Variants in CCDC30 observed in about 807,000 individuals in gnomAD.
The protein encoded by CCDC30 is coiled-coil domain containing 30.
CCDC30 carries 70 observed loss-of-function variants against 100.2 expected under a neutral mutation model. The ratio of observed to expected loss-of-function variants is 0.70; its 90% confidence interval spans 0.58 to 0.85. The LOEUF is 0.85. Ranked by LOEUF, CCDC30 falls within the 40% of genes least tolerant of loss-of-function variation. CCDC30 has a pLI of 0.00. For synonymous variants in CCDC30, 233 were observed against 269.5 expected (o/e 0.86, Z 1.33); for missense variants, 652 against 771.2 (o/e 0.85, Z 1.83).
chr1:42,475,721 T>C (rs936992129), intron 1 of CCDC30, among the ~76,000 whole-genome samples: 3 of 152,170 alleles, frequency 2.0e-5, no homozygotes, highest in African/African-American at 7.2e-5. Flanking sequence ...GTGCAGGGTA[T>C]TTTCTTTCAG....
intron 3 of CCDC30, among the ~76,000 whole-genome samples, chr1:42,486,787 A>T (rs1644057710): frequency 6.6e-6 from 1 of 152,166 alleles, no homozygotes. Context: ...CCTGGGGGTG[A>T]CCTTGGGAAC....
chr1:42,653,462 A>G lies in CCDC30; in HGVS notation c.1922+19A>G. On this transcript the variant is annotated intron_variant, in intron 16 of 16. Transcript: ENST00000668663. The stretch of plus-strand genomic sequence containing the variant: ...ACTCCAGGTTAGTAAAGTCAAGACA[A>G]ATAAAGTCAAGTCTATCTGAGATGG... 6.6e-7 allele frequency: 1 copy of G among 1,504,396 alleles called. No homozygotes were observed. The highest frequency in any genetic ancestry group is 1.2e-5 in the South Asian group (1 of 86,724). 93.2% of individuals were successfully genotyped at this position (1,504,396 alleles called of 1,614,324 possible). A position where few individuals can be genotyped will look rare whatever the true frequency, so the allele number is the denominator to read the frequency against.
intron 11 of CCDC30, among the ~76,000 whole-genome samples, chr1:42,614,318 G>A (rs936162262): frequency 6.6e-5 from 10 of 151,674 alleles, no homozygotes; most frequent in Admixed American, 3.9e-4. Flanking sequence ...CTGACCTCGT[G>A]ATCCACCCGC....
At chr1:42,559,460 A>C (rs1645440376) in intron 6 of CCDC30, among the ~76,000 whole-genome samples, 1 of 152,236 alleles carries the variant, frequency 6.6e-6, no homozygotes, top group Admixed American at 6.5e-5. Context: ...TATACAAAGC[A>C]AATGGAAAGC....
At chr1:42,505,874 A>C (rs1644386984) in intron 6 of CCDC30, among the ~76,000 whole-genome samples, 1 of 152,338 alleles carries the variant, frequency 6.6e-6, no homozygotes, top group African/African-American at 2.4e-5. Flanking sequence ...AAGGGCTTTT[A>C]TTGGCTCTTC....
chr1:42,525,578 G>A (rs976635405), intron 6 of CCDC30, among the ~76,000 whole-genome samples: 2 of 151,908 alleles, frequency 1.3e-5, no homozygotes, highest in Admixed American at 1.3e-4. Context: ...TCCTAGTTGT[G>A]TTGCACTTGT....
intron 1 of CCDC30, among the ~76,000 whole-genome samples, chr1:42,464,770 A>C (rs1215607022): frequency 6.6e-6 from 1 of 152,206 alleles, no homozygotes; most frequent in African/African-American, 2.4e-5. Flanking sequence ...AAGTAAACCT[A>C]TTTTGAGGAC....
chr1:42,634,248 T>C (rs1297845536), intron 11 of CCDC30, among the ~76,000 whole-genome samples: 2 of 42,774 alleles, frequency 4.7e-5, no homozygotes, highest in Non-Finnish European at 8.5e-5. Context: ...CAAGACTGTC[T>C]CAAAAAAAAA....
At chr1:42,512,584 TAGAG>T (rs1161835496) in intron 6 of CCDC30, among the ~76,000 whole-genome samples, 1 of 152,070 alleles carries the variant, frequency 6.6e-6, no homozygotes, top group Non-Finnish European at 1.5e-5. Context: ...ATATTGCACA[TAGAG>T]AGAGGATAGG....
At chr1:42,637,119 C>A in intron 11 of CCDC30, 118 bp from the exon 16 acceptor site, 1 of 752,496 alleles carries the variant, frequency 1.3e-6, no homozygotes, top group Admixed American at 3.3e-5. Flanking sequence ...GTATCCACAT[C>A]CGGTGCCAGT....
intron 6 of CCDC30, chr1:42,500,162 A>G: frequency 1.4e-6 from 2 of 1,423,184 alleles, no homozygotes; most frequent in East Asian, 2.3e-5. Context: ...TAAGAAGGCA[A>G]TGCTTGTGGA....
At chr1:42,456,208 C>A in the CCDC30 span, 2 of 594,092 alleles carry the variant, frequency 3.4e-6, no homozygotes, top group Non-Finnish European at 6.0e-6. Flanking sequence ...ACAAGTCCCA[C>A]GGGTCAAATG....
At chr1:42,562,003 A>G (rs924111382) in intron 6 of CCDC30, among the ~76,000 whole-genome samples, 14 of 152,238 alleles carry the variant, frequency 9.2e-5, no homozygotes, top group African/African-American at 3.4e-4. Context: ...GATAGGAAGA[A>G]TCAATATCAG....
intron 1 of CCDC30, among the ~76,000 whole-genome samples, chr1:42,474,484 T>C (rs1325880947): frequency 6.6e-6 from 1 of 152,208 alleles, no homozygotes; most frequent in Non-Finnish European, 1.5e-5. Context: ...AACGAAAGTT[T>C]GCCAGGAAGT....
intron 4 of CCDC30, among the ~76,000 whole-genome samples, chr1:42,496,100 C>A: frequency 6.8e-6 from 1 of 146,730 alleles, no homozygotes; most frequent in Non-Finnish European, 1.5e-5. Context: ...GGTATAATGT[C>A]ATTTGGGTTT....
At position 42,500,377 on chromosome 1, in the gene CCDC30, G is replaced by A. The variant is rs529136796; in HGVS notation, c.456+1461G>A. The stretch of plus-strand genomic sequence containing the variant: ...AAAGCGGAGTGAGGTGCGTGAGAAC[G>A]AGCGAAGTCTGGTCTGCGCAGTGGC... On this transcript the variant is annotated intron_variant, in intron 6 of 16. Transcript: ENST00000668663. 33 of 1,396,644 alleles carry A rather than the reference G, an allele frequency of 2.4e-5. No homozygotes were observed. The African/African-American group carries it at 3.0e-4, about 13-fold the overall frequency. The allele number at this position is 1,396,644 out of a possible 1,614,324, so 86.5% of individuals were successfully genotyped here. A position where few individuals can be genotyped will look rare whatever the true frequency, so the allele number is the denominator to read the frequency against.
Position 42,580,730 on chromosome 1 carries a change from C to T in CCDC30, c.847-630C>T, listed in dbSNP as rs945667187. On this transcript the variant is annotated intron_variant, in intron 8 of 16. Transcript: ENST00000668663. ...CAGTCTCTCTTTCAAATTTGTAAAT[C>T]ATATTTTTAGTTCTCCCAGAGCATT... 98 of 357,898 alleles carry T rather than the reference C, an allele frequency of 2.7e-4. 1 individual carries two copies. The highest frequency in any genetic ancestry group is 1.7e-3 in the Admixed American group (50 of 28,768). The allele number at this position is 357,898 out of a possible 1,614,324, so 22.2% of individuals were successfully genotyped here.
chr1:42,460,022 TGAAA>T (rs1236934299), upstream of CCDC30: 28 of 1,455,566 alleles, frequency 1.9e-5, no homozygotes, highest in Admixed American at 2.7e-5. Context: ...ACAGATAAAA[TGAAA>T]GAAAGGGAAA....
intron 6 of CCDC30, among the ~76,000 whole-genome samples, chr1:42,501,790 G>T (rs1234830499): frequency 6.6e-6 from 1 of 152,188 alleles, no homozygotes. Flanking sequence ...AACAGCAAAT[G>T]TTGCTGCCTG....
Sources: gnomAD v4.1 joint callset for allele counts (sites outside exome capture counted in the v4.1 genomes callset) on GRCh38, gnomAD v4.1.1 for gene constraint, MANE v1.5 for transcripts, NCBI Gene and HGNC (gene_info 2026-07-23, HGNC 2026-07-21) for gene names.